Variants in SMAD6 observed in about 807,000 individuals in gnomAD.
SMAD6 encodes the protein MAD homolog 6.
In SMAD6, 103 loss-of-function variants were observed where a neutral mutation model predicts 39.4. The ratio of observed to expected loss-of-function variants is 2.62; its 90% CI spans 2.23 to 3.08. SMAD6 has a LOEUF of 3.08. SMAD6 is among the 30% of genes most tolerant of loss of function. SMAD6 has a pLI of 0.00. For synonymous variants in SMAD6, 445 were observed against 353.3 expected (o/e 1.26, Z -2.91); for missense variants, 1,104 against 742.9 (o/e 1.49, Z -5.65).
chr15:66,780,975 G>T, intron 3 of SMAD6, 22 bp from the exon 4 acceptor site: 1 of 1,534,086 alleles, frequency 6.5e-7, no homozygotes, highest in South Asian at 1.2e-5. Flanking sequence ...ATAACGCGGC[G>T]GTCCCTGTGC....
At position 66,703,865 on chromosome 15, in the gene SMAD6, G is replaced by GGCGGCTGCGTGCTGGTGCCGC. The variant is rs1429510341; in HGVS notation, c.611_631dup (p.Gly204_Arg210dup). 1.5e-6 allele frequency: 2 copies of GGCGGCTGCGTGCTGGTGCCGC among 1,342,208 alleles called. No homozygotes were observed. Among genetic ancestry groups the GGCGGCTGCGTGCTGGTGCCGC allele is most frequent in the African/African-American group, 1.5e-5 (1 of 66,240 alleles). The allele number at this position is 1,342,208 out of a possible 1,614,324, so 83.1% of individuals were successfully genotyped here. ...GGTGGAGTCCCGCGGCGGCGTGCCG[G>GGCGGCTGCGTGCTGGTGCCGC]GCGGCTGCGTGCTGGTGCCGCGCGC... On this transcript the variant is annotated inframe_insertion, in exon 1 of 4. Coordinates refer to ENST00000288840, the MANE Select transcript of SMAD6 (RefSeq NM_005585.5).
chr15:66,748,670 G>T (rs1893947991), intron 3 of SMAD6, among the ~76,000 whole-genome samples: 1 of 152,140 alleles, frequency 6.6e-6, no homozygotes, highest in African/African-American at 2.4e-5. Context: ...TCATTAGATT[G>T]CAAGGCCCTT....
intron 3 of SMAD6, among the ~76,000 whole-genome samples, chr15:66,745,351 A>G (rs899053148): frequency 3.4e-5 from 5 of 149,108 alleles, no homozygotes; most frequent in Non-Finnish European, 7.4e-5. Context: ...CCCAGCTGGC[A>G]TGTCTTCTGC....
At chr15:66,736,513 G>A (rs1357959524) in intron 3 of SMAD6, among the ~76,000 whole-genome samples, 1 of 152,082 alleles carries the variant, frequency 6.6e-6, no homozygotes, top group Non-Finnish European at 1.5e-5. Flanking sequence ...GTTTTTGGAG[G>A]CATTCTCTCA....
At chr15:66,738,422 G>A (rs1366383337) in intron 3 of SMAD6, among the ~76,000 whole-genome samples, 1 of 152,216 alleles carries the variant, frequency 6.6e-6, no homozygotes. Context: ...TGTGGACATG[G>A]CAGGGGGTTG....
chr15:66,713,145 C>T (rs1039886647), intron 2 of SMAD6, among the ~76,000 whole-genome samples: 1 of 152,146 alleles, frequency 6.6e-6, no homozygotes, highest in Non-Finnish European at 1.5e-5. Flanking sequence ...CTGACAGTAC[C>T]AGGAGAGCAA....
In SMAD6 at chr15:66,781,124, A is replaced by T. The variant is rs773981348; in HGVS notation, c.1080A>T (p.Leu360=). The change falls in exon 4 of 4, where the codon CTA becomes CTT. Residue 360 remains leucine (L), a synonymous_variant. Transcript: ENST00000288840. The part of the protein sequence containing the change: ...YDQAVSIFYD[L]PQGSGFCLGQ... ...AGGCCGTCAGCATCTTCTACGACCTACCTCAGGGCAGCGGCTTCTGCCTGG... is the reference window on the plus strand; with the variant it reads ...AGGCCGTCAGCATCTTCTACGACCTTCCTCAGGGCAGCGGCTTCTGCCTGG... 33 of 1,608,636 alleles carry T rather than the reference A, an allele frequency of 2.1e-5. No homozygotes were observed. The highest frequency in any genetic ancestry group is 2.8e-5 in the Non-Finnish European group (33 of 1,179,740).
chr15:66,766,450 C>T (rs950308331), intron 3 of SMAD6, among the ~76,000 whole-genome samples: 5 of 152,032 alleles, frequency 3.3e-5, no homozygotes, highest in Non-Finnish European at 7.4e-5. Flanking sequence ...CCTCCCTGAG[C>T]CTTCATTTCC....
intron 3 of SMAD6, among the ~76,000 whole-genome samples, chr15:66,718,027 A>T (rs1221119614): frequency 1.3e-5 from 2 of 151,852 alleles, no homozygotes; most frequent in African/African-American, 4.8e-5. Flanking sequence ...CAGCCCTCAG[A>T]TGGATTCCAT....
At chr15:66,757,235 C>T (rs973380039) in intron 3 of SMAD6, among the ~76,000 whole-genome samples, 6 of 152,198 alleles carry the variant, frequency 3.9e-5, no homozygotes, top group African/African-American at 1.4e-4. Flanking sequence ...CTGCCAACTC[C>T]AATACGCAGG....
rs1399390207 is a variant in SMAD6 at position 66,703,488 on chromosome 15, C to T, written c.230C>T (p.Ala77Val). ...RPRDAVGQRG[A>V]QGAGRRRRAG... ...CGGGACGCAGTGGGACAGCGAGGCG[C>T]CCAGGGCGCGGGGAGGCGCCGGCGC... is the stretch of plus-strand genomic sequence containing the variant. The change falls in exon 1 of 4, where the codon GCC becomes GTC. Residue 77 changes from alanine to valine, a missense_variant. By Grantham distance (64) the Ala-to-Val change is moderately conservative (BLOSUM62 0). Transcript: ENST00000288840. The T allele has an allele frequency of 1.6e-6, 2 of 1,234,074 alleles. No homozygotes were observed. The highest frequency in any genetic ancestry group is 3.1e-5 in the African/African-American group (2 of 63,734). 76.4% of individuals were successfully genotyped at this position (1,234,074 alleles called of 1,614,324 possible). A position where few individuals can be genotyped will look rare whatever the true frequency, so the allele number is the denominator to read the frequency against.
At chr15:66,740,573 A>G (rs1893795988) in intron 3 of SMAD6, 1 of 152,224 alleles carries the variant, frequency 6.6e-6, no homozygotes, top group Non-Finnish European at 1.5e-5. Flanking sequence ...TAAGGGTTGT[A>G]AAATAGTGGA....
intron 3 of SMAD6, among the ~76,000 whole-genome samples, chr15:66,779,269 C>T (rs528521060): frequency 6.6e-6 from 1 of 152,176 alleles, no homozygotes; most frequent in African/African-American, 2.4e-5. Context: ...GCAGTTCTGT[C>T]GAGGGCAGGA....
rs1270837180 is a variant in SMAD6, at chr15:66,703,383, G to C, written c.125G>C (p.Arg42Pro). The C allele has an allele frequency of 1.4e-6, 2 of 1,435,892 alleles. No homozygotes were observed. The highest frequency in any genetic ancestry group is 5.8e-5 in the Admixed American group (2 of 34,262). The allele number at this position is 1,435,892 out of a possible 1,614,324, so 88.9% of individuals were successfully genotyped here. A position where few individuals can be genotyped will look rare whatever the true frequency, so the allele number is the denominator to read the frequency against. The change falls in exon 1 of 4, where the codon CGA (arginine) becomes CCA (proline). Residue 42 changes from arginine (R) to proline (P), a missense_variant. Transcript: ENST00000288840. The part of the protein sequence containing the change: ...GGDEDGSLGS[R>P]AEPAPRAREG... ...GACGAGGATGGGAGCTTGGGCAGCC[G>C]AGCTGAGCCGGCCCCGCGGGCAAGA... is the stretch of plus-strand genomic sequence containing the variant.
At chr15:66,704,105 C>A in intron 1 of SMAD6, 30 bp downstream of exon 1, 2 of 1,397,822 alleles carry the variant, frequency 1.4e-6, no homozygotes, top group African/African-American at 1.5e-5. Context: ...CGGGGGGGCC[C>A]CGGGTCCCCG....
chr15:66,730,252 G>C (rs114554257), intron 3 of SMAD6, among the ~76,000 whole-genome samples: 2 of 152,186 alleles, frequency 1.3e-5, no homozygotes, highest in Admixed American at 1.3e-4. Flanking sequence ...GGAGAAGTTG[G>C]GGTAGAGGGA....
chr15:66,758,566 A>G (rs1894143252), intron 3 of SMAD6, among the ~76,000 whole-genome samples: 1 of 152,164 alleles, frequency 6.6e-6, no homozygotes, highest in Non-Finnish European at 1.5e-5. Context: ...CGTCTCTGCT[A>G]AAAATACAAA....
intron 3 of SMAD6, among the ~76,000 whole-genome samples, chr15:66,751,892 G>A (rs535296547): frequency 2.6e-5 from 4 of 152,336 alleles, no homozygotes; most frequent in Admixed American, 2.0e-4. Flanking sequence ...CGAGTCACAC[G>A]GTGACTTAGT....
chr15:66,750,320 G>A (rs1893981375), intron 3 of SMAD6, among the ~76,000 whole-genome samples: 1 of 152,176 alleles, frequency 6.6e-6, no homozygotes, highest in South Asian at 2.1e-4. Context: ...GAGTTAGACT[G>A]GGGGTGCCTT....
Sources: gnomAD v4.1 joint callset for allele counts (sites outside exome capture counted in the v4.1 genomes callset) on GRCh38, gnomAD v4.1.1 for gene constraint, MANE v1.5 for transcripts, NCBI Gene and HGNC (gene_info 2026-07-23, HGNC 2026-07-21) for gene names.